LRRC37A: variants seen among roughly 807,000 people sequenced by gnomAD.
The protein encoded by LRRC37A is leucine-rich repeat-containing protein 37A.
A neutral mutation model predicts 35.4 loss-of-function variants in LRRC37A; 3 were observed. That is an observed-to-expected ratio of 0.08 (90% CI 0.04 to 0.22). LRRC37A has a LOEUF of 0.22. Ranked by LOEUF, LRRC37A falls within the 10% of genes least tolerant of loss-of-function variation. The pLI, the probability that LRRC37A is intolerant of heterozygous loss-of-function variation, is 1.00. For synonymous variants in LRRC37A, 23 were observed against 215.0 expected, an observed-to-expected ratio of 0.11 and a Z score of 7.81; for missense variants, 67 against 565.3, an observed-to-expected ratio of 0.12 and a Z score of 8.94.
chr17:46,282,569 C>T, the LRRC37A span, among the ~76,000 whole-genome samples: 4 of 151,834 alleles, frequency 2.6e-5, no homozygotes, highest in African/African-American at 7.3e-5. Context: ...CACTCATCAC[C>T]AAGCCTGGTT....
upstream of LRRC37A, among the ~76,000 whole-genome samples, chr17:46,288,337 CT>C (rs1323721904): frequency 1.4e-5 from 2 of 142,824 alleles, no homozygotes; most frequent in East Asian, 4.2e-4. Flanking sequence ...TTGACGGAGC[CT>C]TGCTCTGTCT....
the LRRC37A span, among the ~76,000 whole-genome samples, chr17:46,259,019 ATTTTTTTTTTTTTTTTT>A: frequency 1.5e-4 from 12 of 79,450 alleles, no homozygotes; most frequent in African/African-American, 1.9e-4. Context: ...CACCCGGCCT[ATTTTTTTTTTTTTTTTT>A]TTTTTTTTTT....
chr17:46,256,930 G>T, the LRRC37A span, among the ~76,000 whole-genome samples: 1 of 152,262 alleles, frequency 6.6e-6, no homozygotes, highest in African/African-American at 2.4e-5. Flanking sequence ...ATCGCCATTT[G>T]TAGAAGGAGG....
the LRRC37A span, among the ~76,000 whole-genome samples, chr17:46,287,451 A>C: frequency 6.6e-6 from 1 of 152,282 alleles, no homozygotes; most frequent in Non-Finnish European, 1.5e-5. Context: ...ACCAAGTAGA[A>C]GTTACACTAC....
At chr17:46,257,469 A>G in the LRRC37A span, among the ~76,000 whole-genome samples, 1 of 146,840 alleles carries the variant, frequency 6.8e-6, no homozygotes, top group Non-Finnish European at 1.5e-5. Flanking sequence ...AAAAAAAAAA[A>G]AAAAGTAACA....
At chr17:46,269,776 G>A in the LRRC37A span, among the ~76,000 whole-genome samples, 1 of 152,174 alleles carries the variant, frequency 6.6e-6, no homozygotes, top group Non-Finnish European at 1.5e-5. Flanking sequence ...TATAATGTTT[G>A]CTTGTAAAGC....
intron 5 of LRRC37A, among the ~76,000 whole-genome samples, chr17:46,317,132 C>T (rs1258065803): frequency 1.1e-5 from 1 of 89,466 alleles, no homozygotes. Context: ...TTGGGTACAC[C>T]TCCCAGATGG....
upstream of LRRC37A, among the ~76,000 whole-genome samples, chr17:46,291,497 G>A (rs141553258): frequency 2.7e-3 from 381 of 143,352 alleles, 5 homozygotes; most frequent in African/African-American, 0.011. Context: ...GGCAGTGATA[G>A]GCTCCCTGCT....
the LRRC37A span, among the ~76,000 whole-genome samples, chr17:46,248,288 A>G: frequency 1.5e-4 from 23 of 152,082 alleles, no homozygotes; most frequent in African/African-American, 5.6e-4. Flanking sequence ...TAAGTGTACA[A>G]TTTGATGAGT....
intron 10 of LRRC37A, among the ~76,000 whole-genome samples, chr17:46,332,997 C>G (rs555426202): frequency 6.8e-6 from 1 of 148,102 alleles, no homozygotes; most frequent in Non-Finnish European, 1.5e-5. Context: ...TAATTTATTT[C>G]CTTGTTGCTG....
chr17:46,273,473 A>G, the LRRC37A span, among the ~76,000 whole-genome samples: 3 of 152,268 alleles, frequency 2.0e-5, no homozygotes, highest in African/African-American at 4.8e-5. Flanking sequence ...ATAAGAAAGA[A>G]TTGGGAACTG....
chr17:46,291,524 C>T (rs2143464066), upstream of LRRC37A, among the ~76,000 whole-genome samples: 1 of 151,776 alleles, frequency 6.6e-6, no homozygotes, highest in Non-Finnish European at 1.5e-5. Flanking sequence ...TAAGGGTTGA[C>T]TGGGCTACAC....
chr17:46,288,211 G>A (rs1338473619), upstream of LRRC37A, among the ~76,000 whole-genome samples: 19 of 152,020 alleles, frequency 1.2e-4, no homozygotes, highest in East Asian at 3.3e-3. Flanking sequence ...GCAGGATCAC[G>A]GCCCCCTGCA....
At chr17:46,315,361 C>CA (rs1276062194) in intron 5 of LRRC37A, among the ~76,000 whole-genome samples, 16 of 129,912 alleles carry the variant, frequency 1.2e-4, no homozygotes, top group Non-Finnish European at 2.5e-4. Flanking sequence ...CTTATCTCTA[C>CA]AAAAAAAATT....
At chr17:46,275,258 A>T in the LRRC37A span, 2 of 500,564 alleles carry the variant, frequency 4.0e-6, no homozygotes, top group Non-Finnish European at 6.5e-6. Context: ...TATGACCAAT[A>T]AAAACAAAGT....
the LRRC37A span, among the ~76,000 whole-genome samples, chr17:46,285,475 C>T: frequency 3.3e-5 from 5 of 152,018 alleles, no homozygotes; most frequent in African/African-American, 1.2e-4. Flanking sequence ...CTCCTGACCT[C>T]ATGATTTGCC....
At chr17:46,258,448 A>T in the LRRC37A span, among the ~76,000 whole-genome samples, 1 of 152,178 alleles carries the variant, frequency 6.6e-6, no homozygotes, top group Admixed American at 6.6e-5. Context: ...TGACCTTGTG[A>T]TCCACCTGCC....
intron 5 of LRRC37A, chr17:46,309,823 A>AC (rs1218030045): frequency 7.9e-5 from 1 of 12,612 alleles, no homozygotes; most frequent in Non-Finnish European, 2.5e-4. Flanking sequence ...TTTGGTATGT[A>AC]CTGGAATCCT....
intron 10 of LRRC37A, among the ~76,000 whole-genome samples, chr17:46,332,859 C>T (rs548859237): frequency 1.9e-4 from 28 of 150,094 alleles, no homozygotes; most frequent in Non-Finnish European, 4.0e-4. Context: ...GCTTTCAGAT[C>T]TCTGTGAATT....
Sources: allele counts gnomAD v4.1 joint callset (sites outside exome capture counted in the v4.1 genomes callset), GRCh38; gene constraint gnomAD v4.1.1; transcripts MANE v1.5; gene names NCBI Gene and HGNC (gene_info 2026-07-23, HGNC 2026-07-21).